The following UPF2 variants were observed in gnomAD, a reference collection of about 807,000 sequenced individuals.
The protein encoded by UPF2 is UPF2 regulator of nonsense mediated mRNA decay, also known as regulator of nonsense transcripts 2.
Under a neutral mutation model 141.4 loss-of-function variants are expected in UPF2, and 17 were observed. That is an observed-to-expected ratio of 0.12 (90% confidence interval 0.08 to 0.18). The LOEUF is 0.18. Ranked by LOEUF, UPF2 falls within the 10% of genes least tolerant of loss-of-function variation. The pLI is 1.00. For synonymous variants in UPF2, 540 were observed against 498.0 expected (o/e 1.08, Z -1.12); for missense variants, 1,152 against 1,515.9 (o/e 0.76, Z 3.99).
chr10:11,985,464 T>C (rs903234751), intron 8 of UPF2, among the ~76,000 whole-genome samples: 8 of 151,884 alleles, frequency 5.3e-5, no homozygotes, highest in African/African-American at 1.9e-4. Context: ...GGTGAAACCC[T>C]GTCTCTACTA....
At chr10:12,012,148 C>T (rs11257479) in intron 4 of UPF2, among the ~76,000 whole-genome samples, 149 of 150,532 alleles carry the variant, frequency 9.9e-4, no homozygotes, top group East Asian at 8.6e-3. Context: ...CTGTAACCTC[C>T]GCCTCCCAGG....
At chr10:12,041,708 T>C (rs1422435411) in intron 1 of UPF2, among the ~76,000 whole-genome samples, 3 of 152,222 alleles carry the variant, frequency 2.0e-5, no homozygotes, top group African/African-American at 7.2e-5. Flanking sequence ...TCCCAGTTTC[T>C]GACTTTATTT....
intron 21 of UPF2, chr10:11,928,783 T>C: frequency 3.8e-6 from 1 of 265,608 alleles, no homozygotes; most frequent in Non-Finnish European, 7.5e-6. Flanking sequence ...CTTTATAGAG[T>C]TTTAAATTAT....
intron 4 of UPF2, among the ~76,000 whole-genome samples, chr10:12,007,604 G>A (rs1834055095): frequency 6.6e-6 from 1 of 152,064 alleles, no homozygotes; most frequent in African/African-American, 2.4e-5. Context: ...GCTGCGGCAG[G>A]TGGATAACGA....
At chr10:11,967,975 T>A (rs1833350112) in intron 9 of UPF2, among the ~76,000 whole-genome samples, 1 of 151,772 alleles carries the variant, frequency 6.6e-6, no homozygotes, top group African/African-American at 2.4e-5. Flanking sequence ...AGGTCAGGAG[T>A]TCGAGACTGC....
rs545713342 is a variant in UPF2 at position 11,936,451 on chromosome 10, G to C, written c.3546+94C>G. ...TTCTACCACTGAATGGTTTAAAACT[G>C]TCCAACCCTTATCCCCTTGTAGGTC... On this transcript the variant is annotated intron_variant, in intron 19 of 21. Transcript: ENST00000357604. This position sits in a 1 kb window ranked among gnomAD's most constrained non-coding sequence, Gnocchi z 6.6. 1.4e-5 allele frequency: 19 copies of C among 1,338,318 alleles called. No homozygotes were observed. The South Asian group carries it at 2.0e-4, about 14-fold the overall frequency. 82.9% of individuals were successfully genotyped at this position (1,338,318 alleles called of 1,614,324 possible). A position where few individuals can be genotyped will look rare whatever the true frequency, so the allele number is the denominator to read the frequency against.
rs112611783 is a variant in UPF2 at position 11,936,602 on chromosome 10, A to G, written c.3489T>C (p.Ala1163=). 4 of 1,612,942 alleles carry G rather than the reference A, an allele frequency of 2.5e-6. No homozygotes were observed. The African/African-American group carries it at 5.3e-5, about 22-fold the overall frequency. ...CAAACGGCATTGTGTCTGCAGACTC[A>G]GCCTCTCCTTCCCCACCTCCCAGTG... ...GPPLGGGEGE[A]ESADTMPFVM... is the part of the protein sequence containing the mutation. Residue 1163 remains alanine (A), a synonymous_variant, in exon 19 of 22, where the codon GCT becomes GCC. Coordinates refer to ENST00000357604, the MANE Select transcript of UPF2 (RefSeq NM_015542.4). This position sits in a 1 kb window ranked among gnomAD's most constrained non-coding sequence, Gnocchi z 6.6.
At chr10:11,990,814 C>A (rs1362596520) in intron 8 of UPF2, among the ~76,000 whole-genome samples, 1 of 151,918 alleles carries the variant, frequency 6.6e-6, no homozygotes, top group Non-Finnish European at 1.5e-5. Flanking sequence ...TGGTGAAACC[C>A]TGTCTCTACT....
intron 9 of UPF2, among the ~76,000 whole-genome samples, chr10:11,968,943 C>T (rs1346912235): frequency 1.3e-5 from 2 of 152,190 alleles, no homozygotes; most frequent in East Asian, 3.8e-4. Flanking sequence ...TCACTGCGAC[C>T]TCCACCTCCT....
intron 8 of UPF2, among the ~76,000 whole-genome samples, chr10:11,987,068 T>C (rs1011472029): frequency 2.6e-5 from 4 of 152,232 alleles, no homozygotes; most frequent in Non-Finnish European, 4.4e-5. Context: ...GTACTTTCCC[T>C]GATACTGATT....
At chr10:11,972,501 T>C (rs1833436517) in intron 9 of UPF2, among the ~76,000 whole-genome samples, 1 of 152,196 alleles carries the variant, frequency 6.6e-6, no homozygotes, top group Admixed American at 6.5e-5. Context: ...TCATTTACAT[T>C]AGGTATATCT....
At chr10:11,937,885 T>C (rs1445287579) in intron 18 of UPF2, among the ~76,000 whole-genome samples, 2 of 152,248 alleles carry the variant, frequency 1.3e-5, no homozygotes, top group Non-Finnish European at 2.9e-5. Context: ...AAAGACTTTT[T>C]ACTTAAAATT....
chr10:11,984,785 T>G (rs946297554), intron 8 of UPF2, among the ~76,000 whole-genome samples: 10 of 150,814 alleles, frequency 6.6e-5, no homozygotes, highest in African/African-American at 2.2e-4. Context: ...GGATCTCAGC[T>G]CACTGCAACC....
intron 1 of UPF2, among the ~76,000 whole-genome samples, chr10:12,037,619 T>C (rs776940086): frequency 3.3e-5 from 5 of 151,532 alleles, no homozygotes; most frequent in African/African-American, 4.9e-5. Context: ...GCTTGAATTC[T>C]TGACCTCAAG....
chr10:11,950,562 T>A (rs1833060943), intron 15 of UPF2, among the ~76,000 whole-genome samples: 1 of 152,340 alleles, frequency 6.6e-6, no homozygotes, highest in South Asian at 2.1e-4. Flanking sequence ...CCTTTTGATC[T>A]ACAAAGGACA....
intron 20 of UPF2, among the ~76,000 whole-genome samples, chr10:11,930,467 T>C (rs1832769708): frequency 6.6e-6 from 1 of 152,218 alleles, no homozygotes; most frequent in African/African-American, 2.4e-5. Flanking sequence ...AAGCACCCAG[T>C]GTTAGCTATT....
At chr10:11,938,863 T>G (rs937937382) in intron 18 of UPF2, among the ~76,000 whole-genome samples, 2,923 of 81,024 alleles carry the variant, frequency 0.036, 176 homozygotes, top group African/African-American at 0.11. Flanking sequence ...GTTTTTTTTT[T>G]TTTTTTTTTT....
chr10:11,950,236 C>G (rs1833056215), intron 15 of UPF2, among the ~76,000 whole-genome samples: 4 of 151,796 alleles, frequency 2.6e-5, no homozygotes, highest in Non-Finnish European at 5.9e-5. Context: ...TAGTGTTTTC[C>G]AATTAACTAT....
intron 3 of UPF2, among the ~76,000 whole-genome samples, chr10:12,021,306 G>A (rs919484972): frequency 6.0e-5 from 9 of 149,718 alleles, no homozygotes; most frequent in African/African-American, 2.0e-4. Context: ...AAAGTGGGAG[G>A]ATCACTTGAG....
Sources: allele counts gnomAD v4.1 joint callset (sites outside exome capture counted in the v4.1 genomes callset), GRCh38; gene constraint gnomAD v4.1.1; non-coding constraint Gnocchi (gnomAD v3.1); transcripts MANE v1.5; gene names NCBI Gene and HGNC (gene_info 2026-07-23, HGNC 2026-07-21).